The following CADPS2 variants were observed in gnomAD, a reference collection of about 807,000 sequenced individuals.
CADPS2 encodes calcium-dependent secretion activator 2.
A neutral mutation model predicts 172.5 loss-of-function variants in CADPS2; 93 were observed. The observed-to-expected ratio is 0.54, with a 90% CI of 0.46 to 0.64. CADPS2 has a LOEUF of 0.64. CADPS2 is among the 30% of genes least tolerant of loss of function. The pLI is 0.00. For missense variants in CADPS2, 1,420 were observed against 1,565.9 expected, an observed-to-expected ratio of 0.91 and a Z score of 1.57; for synonymous variants, 546 against 555.2, an observed-to-expected ratio of 0.98 and a Z score of 0.23.
chr7:122,633,362 T>C (rs1020795819), intron 3 of CADPS2, among the ~76,000 whole-genome samples: 1 of 152,156 alleles, frequency 6.6e-6, no homozygotes, highest in Non-Finnish European at 1.5e-5. Flanking sequence ...GTCATCTTTG[T>C]CATTTTCTAA....
chr7:122,815,465 CA>C (rs1801087136), intron 1 of CADPS2, among the ~76,000 whole-genome samples: 1 of 151,936 alleles, frequency 6.6e-6, no homozygotes. Context: ...AACAAAAGAT[CA>C]AAACATTAAC....
At chr7:122,346,400 C>CA (rs1396922746) in intron 27 of CADPS2, among the ~76,000 whole-genome samples, 2 of 151,898 alleles carry the variant, frequency 1.3e-5, no homozygotes, top group African/African-American at 4.8e-5. Flanking sequence ...AAAACCAAAC[C>CA]AAAAAATGTT....
At chr7:122,827,806 T>C (rs565288526) in intron 1 of CADPS2, among the ~76,000 whole-genome samples, 1 of 151,956 alleles carries the variant, frequency 6.6e-6, no homozygotes, top group South Asian at 2.1e-4. Flanking sequence ...GTATCACTCA[T>C]GTCTATAATT....
At chr7:122,371,914 T>C (rs1483376120) in intron 25 of CADPS2, among the ~76,000 whole-genome samples, 1 of 152,082 alleles carries the variant, frequency 6.6e-6, no homozygotes, top group Non-Finnish European at 1.5e-5. Flanking sequence ...ATGGGTATTT[T>C]TAGACTCTGA....
At chr7:122,641,469 C>T (rs191548306) in intron 3 of CADPS2, among the ~76,000 whole-genome samples, 2 of 152,194 alleles carry the variant, frequency 1.3e-5, no homozygotes, top group African/African-American at 4.8e-5. Context: ...TGTAGAGATG[C>T]ATATTTTTTT....
At chr7:122,636,905 T>G (rs567938259) in intron 3 of CADPS2, among the ~76,000 whole-genome samples, 1 of 152,114 alleles carries the variant, frequency 6.6e-6, no homozygotes, top group Non-Finnish European at 1.5e-5. Flanking sequence ...TCTAGTGAGA[T>G]TGGTGAAATT....
Position 122,736,972 on chromosome 7 carries a change from C to A in CADPS2, c.436G>T (p.Val146Phe). 1 of 1,605,922 alleles carries A rather than the reference C, an allele frequency of 6.2e-7. No individual in the cohort carries two copies. Among genetic ancestry groups the A allele is most frequent in the Non-Finnish European group, 8.5e-7 (1 of 1,172,872 alleles). The change falls in exon 2 of 30, where the codon GTT becomes TTT. Residue 146 changes from valine to phenylalanine, a missense_variant. Coordinates refer to ENST00000449022, the MANE Select transcript of CADPS2 (RefSeq NM_017954.11). The part of the protein sequence containing the change: ...IVADEAFCNA[V>F]RSYYEVFLKS... ...AAACTTACCTCATAATAACTCCGAA[C>A]TGCGTTGCAAAATGCTTCGTCAGCT...
At chr7:122,541,929 T>C (rs1197996710) in intron 8 of CADPS2, among the ~76,000 whole-genome samples, 1 of 142,044 alleles carries the variant, frequency 7.0e-6, no homozygotes, top group East Asian at 1.9e-4. Context: ...ATATAACTAT[T>C]GCAACAGAAG....
chr7:122,565,716 G>A (rs1013758473), intron 7 of CADPS2, among the ~76,000 whole-genome samples: 4 of 152,060 alleles, frequency 2.6e-5, no homozygotes, highest in African/African-American at 9.7e-5. Flanking sequence ...AGGTATACTT[G>A]ACAAAATTAT....
chr7:122,614,591 G>C (rs796750204), intron 6 of CADPS2, among the ~76,000 whole-genome samples: 60 of 152,268 alleles, frequency 3.9e-4, no homozygotes, highest in African/African-American at 1.3e-3. Context: ...AGACCATGAT[G>C]GTTCCCCAAG....
chr7:122,718,140 T>C (rs893539131), intron 2 of CADPS2, among the ~76,000 whole-genome samples: 1 of 151,832 alleles, frequency 6.6e-6, no homozygotes, highest in Non-Finnish European at 1.5e-5. Context: ...CCCCTCATTC[T>C]TTAGTTTAAA....
chr7:122,325,415 G>GA, intron 29 of CADPS2, 62 bp downstream of exon 29: 1 of 1,036,368 alleles, frequency 9.6e-7, no homozygotes, highest in Non-Finnish European at 1.5e-6. Context: ...TTGTATGTCA[G>GA]TATCTTGCCA....
At chr7:122,412,422 C>T (rs1316038816) in intron 19 of CADPS2, among the ~76,000 whole-genome samples, 3 of 152,166 alleles carry the variant, frequency 2.0e-5, no homozygotes, top group Non-Finnish European at 4.4e-5. Context: ...TACCCTTTCT[C>T]TTTACATTAG....
chr7:122,351,899 T>TAC (rs2038708556), intron 27 of CADPS2, among the ~76,000 whole-genome samples: 1 of 152,220 alleles, frequency 6.6e-6, no homozygotes, highest in Non-Finnish European at 1.5e-5. Context: ...TTATGTAGCA[T>TAC]TAGTATGTTA....
chr7:122,608,413 T>G (rs927939454), intron 6 of CADPS2, among the ~76,000 whole-genome samples: 2 of 152,168 alleles, frequency 1.3e-5, no homozygotes, highest in Admixed American at 1.3e-4. Context: ...GTATTTAATC[T>G]CTCTTAAACA....
At chr7:122,775,155 T>C (rs757348348) in intron 1 of CADPS2, among the ~76,000 whole-genome samples, 2 of 152,212 alleles carry the variant, frequency 1.3e-5, no homozygotes, top group African/African-American at 4.8e-5. Context: ...TTTTATCCAA[T>C]GGCGATATTA....
chr7:122,589,037 G>A (rs1236559137), intron 6 of CADPS2, among the ~76,000 whole-genome samples: 1 of 151,942 alleles, frequency 6.6e-6, no homozygotes, highest in Non-Finnish European at 1.5e-5. Flanking sequence ...TTGCAGCTAT[G>A]TTTATGCCAA....
chr7:122,522,887 C>G (rs1247133538), intron 8 of CADPS2, among the ~76,000 whole-genome samples: 1 of 152,132 alleles, frequency 6.6e-6, no homozygotes, highest in Non-Finnish European at 1.5e-5. Flanking sequence ...ACCCATGTGG[C>G]TGCAAACGAC....
chr7:122,380,114 C>T (rs912208520), intron 24 of CADPS2, among the ~76,000 whole-genome samples: 1 of 151,220 alleles, frequency 6.6e-6, no homozygotes, highest in African/African-American at 2.4e-5. Flanking sequence ...AAATAAATAC[C>T]AAAAAAAGAT....
Sources: allele counts gnomAD v4.1 joint callset (sites outside exome capture counted in the v4.1 genomes callset), GRCh38; gene constraint gnomAD v4.1.1; transcripts MANE v1.5; gene names NCBI Gene and HGNC (gene_info 2026-07-23, HGNC 2026-07-21).